Variants in PRKAR1A observed in about 807,000 individuals in gnomAD.
The protein encoded by PRKAR1A is cAMP-dependent protein kinase type I-alpha regulatory subunit.
A neutral mutation model predicts 52.0 loss-of-function variants in PRKAR1A; 3 were observed. The ratio of observed to expected loss-of-function variants is 0.06; its 90% CI spans 0.03 to 0.15. The LOEUF (loss-of-function observed/expected upper bound fraction) is 0.15, where lower values mean the gene tolerates loss of function less well. Among genes scored for constraint, PRKAR1A ranks in the 10% least tolerant of loss-of-function variants. The pLI is 1.00. For synonymous variants in PRKAR1A, 188 were observed against 168.4 expected (o/e 1.12, Z -0.90); for missense variants, 240 against 477.4 (o/e 0.50, Z 4.63).
intron 9 of PRKAR1A, 119 bp downstream of exon 9, chr17:68,529,110 GT>G: frequency 8.2e-7 from 1 of 1,224,042 alleles, no homozygotes; most frequent in East Asian, 2.5e-5. Context: ...TATAGCTTTA[GT>G]TTTTAAGAAT....
chr17:68,460,073 C>A, the PRKAR1A span, among the ~76,000 whole-genome samples: 1 of 152,330 alleles, frequency 6.6e-6, no homozygotes, highest in African/African-American at 2.4e-5. Flanking sequence ...CCTGCCTCAG[C>A]CTCCCAAAGT....
the PRKAR1A span, among the ~76,000 whole-genome samples, chr17:68,455,234 A>T: frequency 1.3e-5 from 2 of 151,894 alleles, no homozygotes; most frequent in Non-Finnish European, 2.9e-5. Flanking sequence ...GTGGTGGTAC[A>T]CGTTTGTAAT....
At chr17:68,469,122 G>T in the PRKAR1A span, among the ~76,000 whole-genome samples, 1 of 152,088 alleles carries the variant, frequency 6.6e-6, no homozygotes, top group African/African-American at 2.4e-5. Context: ...AGGGAAAATT[G>T]AGAGAGTCAT....
upstream of PRKAR1A, chr17:68,511,860 G>C (rs1277387274): frequency 1.3e-5 from 2 of 152,068 alleles, no homozygotes; most frequent in Non-Finnish European, 2.9e-5. Flanking sequence ...CCTCCTCCGG[G>C]GGCTGGCAGC....
chr17:68,445,056 G>A, the PRKAR1A span, among the ~76,000 whole-genome samples: 506 of 151,778 alleles, frequency 3.3e-3, 4 homozygotes, highest in African/African-American at 0.012. Flanking sequence ...GAGTAGCTGG[G>A]ATTACATGCA....
chr17:68,422,666 T>G, the PRKAR1A span: 1 of 143,826 alleles, frequency 7.0e-6, no homozygotes, highest in East Asian at 2.0e-4. Flanking sequence ...GAGGTGGAGG[T>G]TGCAGTGAGT....
the PRKAR1A span, chr17:68,433,662 C>A: frequency 9.7e-7 from 1 of 1,029,558 alleles, no homozygotes; most frequent in Non-Finnish European, 1.4e-6. Flanking sequence ...ATAAGAAAAT[C>A]AGATGTATCC....
At chr17:68,462,524 C>T in the PRKAR1A span, among the ~76,000 whole-genome samples, 1,942 of 152,230 alleles carry the variant, frequency 0.013, 36 homozygotes, top group African/African-American at 0.044. Flanking sequence ...TGGTTTGGAG[C>T]GTCATAGATC....
At chr17:68,479,808 C>G in the PRKAR1A span, among the ~76,000 whole-genome samples, 5 of 152,216 alleles carry the variant, frequency 3.3e-5, no homozygotes, top group African/African-American at 1.2e-4. Flanking sequence ...TTAATTTACC[C>G]ACAGTTCCAC....
At chr17:68,548,254 G>A (rs1284779753) in intron 11 of PRKAR1A, among the ~76,000 whole-genome samples, 1 of 151,990 alleles carries the variant, frequency 6.6e-6, no homozygotes, top group East Asian at 1.9e-4. Context: ...AATTAGCTGG[G>A]CATGGTGGCA....
At chr17:68,430,818 GA>G in the PRKAR1A span, among the ~76,000 whole-genome samples, 36 of 152,320 alleles carry the variant, frequency 2.4e-4, no homozygotes, top group African/African-American at 8.4e-4. Flanking sequence ...GTGGCACATT[GA>G]GAACCAAGGT....
At chr17:68,509,684 T>TGAAAGAACATTTGCACC (rs1462007438), upstream of PRKAR1A, among the ~76,000 whole-genome samples, 2 of 152,204 alleles carry the variant, frequency 1.3e-5, no homozygotes, top group Non-Finnish European at 2.9e-5. Flanking sequence ...ACAGTGGCAC[T>TGAAAGAACATTTGCACC]GAAAGAACAT....
At chr17:68,430,813 A>C in the PRKAR1A span, among the ~76,000 whole-genome samples, 1 of 152,200 alleles carries the variant, frequency 6.6e-6, no homozygotes, top group Non-Finnish European at 1.5e-5. Context: ...AGAGGGTGGC[A>C]CATTGAGAAC....
the PRKAR1A span, among the ~76,000 whole-genome samples, chr17:68,437,016 ATGTGTGTG>A: frequency 6.9e-6 from 1 of 144,578 alleles, no homozygotes; most frequent in Admixed American, 6.9e-5. Context: ...ATATATATAT[ATGTGTGTG>A]TGTGTGTGTG....
In PRKAR1A at chr17:68,531,294, A is replaced by G. The variant is rs765234206; in HGVS notation, c.*845A>G. The G allele has an allele frequency of 2.7e-5, 29 of 1,066,094 alleles. No homozygotes were observed. The highest frequency in any genetic ancestry group is 3.2e-5 in the Non-Finnish European group (28 of 879,558). 66.0% of individuals were successfully genotyped at this position (1,066,094 alleles called of 1,614,324 possible). A position where few individuals can be genotyped will look rare whatever the true frequency, so the allele number is the denominator to read the frequency against. ...AATTGAGAATAAGAATTTGAGGTCT[A>G]CATTCTTGGTTGTTAATTTAGAGCG... On this transcript the variant is annotated 3_prime_UTR_variant, in exon 11 of 11. Transcript: ENST00000589228.
chr17:68,452,921 AC>A, the PRKAR1A span: 1 of 1,613,964 alleles, frequency 6.2e-7, no homozygotes, highest in African/African-American at 1.3e-5. Context: ...GCTTCCGTGG[AC>A]TTGATCCAGC....
At chr17:68,493,012 C>T in the PRKAR1A span, among the ~76,000 whole-genome samples, 1 of 151,820 alleles carries the variant, frequency 6.6e-6, no homozygotes, top group Non-Finnish European at 1.5e-5. Context: ...ATTTATATTC[C>T]TTTGGGTATA....
At chr17:68,473,613 C>G in the PRKAR1A span, among the ~76,000 whole-genome samples, 1 of 152,144 alleles carries the variant, frequency 6.6e-6, no homozygotes, top group East Asian at 1.9e-4. Flanking sequence ...ACCTCTGCCT[C>G]CCGGGTTCAA....
chr17:68,525,691 G>A (rs1440489344), intron 6 of PRKAR1A, 63 bp from the exon 7 acceptor site: 4 of 1,558,740 alleles, frequency 2.6e-6, no homozygotes, highest in Non-Finnish European at 3.5e-6. Context: ...AGGTTTGAGG[G>A]TTTTTAACAT....
Sources: gnomAD v4.1 joint callset for allele counts (sites outside exome capture counted in the v4.1 genomes callset) on GRCh38, gnomAD v4.1.1 for gene constraint, MANE v1.5 for transcripts, NCBI Gene and HGNC (gene_info 2026-07-23, HGNC 2026-07-21) for gene names.